The following SORCS2 variants were observed in gnomAD, a reference collection of about 807,000 sequenced individuals.
SORCS2 encodes VPS10 domain-containing receptor SorCS2.
A neutral mutation model predicts 141.6 loss-of-function variants in SORCS2; 100 were observed. The ratio of observed to expected loss-of-function variants is 0.71; its 90% CI spans 0.60 to 0.83. SORCS2 has a LOEUF of 0.83. Among genes scored for constraint, SORCS2 ranks in the 40% least tolerant of loss-of-function variants. The pLI is 0.00. For synonymous variants in SORCS2, 789 were observed against 676.9 expected, an observed-to-expected ratio of 1.17 and a Z score of -2.57; for missense variants, 1,646 against 1,560.2, an observed-to-expected ratio of 1.05 and a Z score of -0.93.
chr4:7,734,110 G>A (rs955823335), intron 24 of SORCS2, among the ~76,000 whole-genome samples, 162 bp from the exon 25 acceptor site: 1 of 150,688 alleles, frequency 6.6e-6, no homozygotes, highest in Non-Finnish European at 1.5e-5. Context: ...AATGGGAATG[G>A]GCTGAAGACA....
intron 17 of SORCS2, among the ~76,000 whole-genome samples, 196 bp downstream of exon 17, chr4:7,715,507 A>G (rs967514322): frequency 2.6e-5 from 4 of 152,244 alleles, no homozygotes; most frequent in Admixed American, 2.0e-4. Context: ...GTCACCAGAC[A>G]TCATGAGTGA....
chr4:7,396,483 T>C, intron 2 of SORCS2, 128 bp downstream of exon 2: 1 of 880,558 alleles, frequency 1.1e-6, no homozygotes. Flanking sequence ...CTCGCAACTT[T>C]TCTTTGGCTA....
At chr4:7,724,126 G>GGTGGTGGTGATGGTGGTGATA (rs1553808116) in intron 19 of SORCS2, among the ~76,000 whole-genome samples, 2,192 of 139,046 alleles carry the variant, frequency 0.016, 26 homozygotes, top group Non-Finnish European at 0.019. Context: ...TGGTGGTGGT[G>GGTGGTGGTGATGGTGGTGATA]GTGGTGGTGG....
intron 2 of SORCS2, among the ~76,000 whole-genome samples, chr4:7,456,545 TG>T (rs1394442550): frequency 5.3e-5 from 8 of 152,100 alleles, no homozygotes; most frequent in African/African-American, 1.9e-4. Flanking sequence ...CCTCCCCACC[TG>T]AGGACAACAA....
chr4:7,330,407 C>T (rs530359954), intron 1 of SORCS2, among the ~76,000 whole-genome samples: 72 of 152,060 alleles, frequency 4.7e-4, no homozygotes, highest in Non-Finnish European at 8.8e-4. Context: ...AAGGTGCCTG[C>T]GCCCTCTCTG....
At chr4:7,642,982 A>T (rs537264412) in intron 4 of SORCS2, among the ~76,000 whole-genome samples, 1 of 152,196 alleles carries the variant, frequency 6.6e-6, no homozygotes, top group Non-Finnish European at 1.5e-5. Context: ...AATGGAGTGG[A>T]CACAATTGCC....
intron 1 of SORCS2, among the ~76,000 whole-genome samples, chr4:7,280,265 C>T (rs189286313): frequency 2.6e-5 from 4 of 152,100 alleles, no homozygotes; most frequent in African/African-American, 9.6e-5. Context: ...TTCTGTGCTC[C>T]GGTAGGAAGA....
chr4:7,239,917 C>T (rs1026522169), intron 1 of SORCS2, among the ~76,000 whole-genome samples: 1 of 152,164 alleles, frequency 6.6e-6, no homozygotes, highest in African/African-American at 2.4e-5. Context: ...GACGTTGTTC[C>T]TGGAAGGGTC....
At chr4:7,231,860 G>C (rs1019874929) in intron 1 of SORCS2, among the ~76,000 whole-genome samples, 2 of 152,218 alleles carry the variant, frequency 1.3e-5, no homozygotes, top group African/African-American at 4.8e-5. Context: ...ATATAAGTGT[G>C]GCATCTGGGG....
At chr4:7,462,208 C>G (rs1451080591) in intron 2 of SORCS2, among the ~76,000 whole-genome samples, 1 of 152,190 alleles carries the variant, frequency 6.6e-6, no homozygotes, top group Non-Finnish European at 1.5e-5. Flanking sequence ...AGCTCTCCTG[C>G]CCGGTGCTTC....
At chr4:7,285,738 G>A (rs982321316) in intron 1 of SORCS2, among the ~76,000 whole-genome samples, 3 of 152,214 alleles carry the variant, frequency 2.0e-5, no homozygotes, top group Admixed American at 6.5e-5. Context: ...AGAAGCTTCC[G>A]GAGCATGCTG....
At chr4:7,719,030 C>T (rs550002366) in intron 18 of SORCS2, among the ~76,000 whole-genome samples, 1 of 152,206 alleles carries the variant, frequency 6.6e-6, no homozygotes, top group African/African-American at 2.4e-5. Context: ...AAAGAGGGTT[C>T]GATGCATCCG....
At chr4:7,388,892 T>A (rs1723670907) in intron 1 of SORCS2, among the ~76,000 whole-genome samples, 3 of 151,376 alleles carry the variant, frequency 2.0e-5, no homozygotes, top group African/African-American at 7.3e-5. Flanking sequence ...TGGTCTCTGG[T>A]TGTTGTGGTG....
intron 2 of SORCS2, among the ~76,000 whole-genome samples, chr4:7,522,094 T>C (rs141737828): frequency 3.9e-5 from 6 of 152,130 alleles, no homozygotes; most frequent in African/African-American, 1.2e-4. Flanking sequence ...TTTGTTCAGA[T>C]AGAAAAAAAT....
intron 20 of SORCS2, 108 bp downstream of exon 20, chr4:7,725,395 G>T (rs1395630892): frequency 1.4e-6 from 2 of 1,435,846 alleles, no homozygotes; most frequent in Admixed American, 2.3e-5. Flanking sequence ...ACCAGTGTAG[G>T]GTGCACTCCT....
intron 1 of SORCS2, among the ~76,000 whole-genome samples, chr4:7,365,805 TTG>T (rs1721848124): frequency 6.6e-6 from 1 of 152,302 alleles, no homozygotes; most frequent in South Asian, 2.1e-4. Context: ...CTGAGCCTCC[TTG>T]AGAGAGCGAG....
At chr4:7,314,070 C>T (rs1407402959) in intron 1 of SORCS2, among the ~76,000 whole-genome samples, 1 of 152,210 alleles carries the variant, frequency 6.6e-6, no homozygotes, top group East Asian at 1.9e-4. Context: ...CCCCCAGATC[C>T]CCAACCCGTG....
intron 3 of SORCS2, among the ~76,000 whole-genome samples, chr4:7,581,885 G>A (rs1716181164): frequency 6.6e-6 from 1 of 152,042 alleles, no homozygotes; most frequent in Non-Finnish European, 1.5e-5. Flanking sequence ...CCTAGAAATG[G>A]TGTTTTTAAA....
At chr4:7,718,231 G>T (rs746501692) in intron 18 of SORCS2, 48 bp downstream of exon 18, 2 of 1,577,448 alleles carry the variant, frequency 1.3e-6, no homozygotes, top group Middle Eastern at 2.3e-4. Context: ...GGGCAGGGGC[G>T]GCTCCAACTG....
Sources: allele counts gnomAD v4.1 joint callset (sites outside exome capture counted in the v4.1 genomes callset), GRCh38; gene constraint gnomAD v4.1.1; transcripts MANE v1.5; gene names NCBI Gene and HGNC (gene_info 2026-07-23, HGNC 2026-07-21).